The following MCFD2 variants were observed in gnomAD, a reference collection of about 807,000 sequenced individuals.
MCFD2 encodes the protein multiple coagulation factor deficiency 2, ER cargo receptor complex subunit.
A neutral mutation model predicts 12.8 loss-of-function variants in MCFD2; 11 were observed. That is an observed-to-expected ratio of 0.86 (90% confidence interval 0.54 to 1.42). The LOEUF is 1.42. Among genes scored for constraint, MCFD2 ranks in the 40% most tolerant of loss-of-function variants. The pLI is 0.00. For synonymous variants in MCFD2, 70 were observed against 68.1 expected, an observed-to-expected ratio of 1.03 and a Z score of -0.14; for missense variants, 191 against 178.6, an observed-to-expected ratio of 1.07 and a Z score of -0.40.
rs567959693 is a variant in MCFD2 at position 46,940,876 on chromosome 2, C to T, written c.-8+696G>A. Among the ~76,000 whole-genome samples the T allele has an allele frequency of 6.6e-6, 1 of 152,060 alleles. No individual in the cohort carries two copies. Among genetic ancestry groups the T allele is most frequent in the African/African-American group, 2.4e-5 (1 of 41,432 alleles). Reference sequence around the variant, plus strand: ...GGCCGGCCTCTCCCCATTTTTGTGACGTGTCAGGGGCAGCAGCGGTGACGG... The same window carrying T: ...GGCCGGCCTCTCCCCATTTTTGTGATGTGTCAGGGGCAGCAGCGGTGACGG... On this transcript the variant is annotated intron_variant, in intron 1 of 2. Transcript: ENST00000409147. This position sits in a 1 kb window ranked among gnomAD's most constrained non-coding sequence, Gnocchi z 4.7.
intron 3 of MCFD2, chr2:46,906,874 T>C (rs1284133924): frequency 6.6e-6 from 1 of 152,342 alleles, no homozygotes; most frequent in Non-Finnish European, 1.5e-5. Context: ...GATCTCGCTC[T>C]ATTGCCCAGG....
chr2:46,915,628 G>T, intron 1 of MCFD2, 95 bp downstream of exon 1: 1 of 351,502 alleles, frequency 2.8e-6, no homozygotes, highest in Non-Finnish European at 4.0e-6. Flanking sequence ...CGCGCCCCCA[G>T]ACTACTCCTG....
intron 1 of MCFD2, among the ~76,000 whole-genome samples, chr2:46,928,939 GA>G (rs1267862331): frequency 1.3e-5 from 2 of 152,092 alleles, no homozygotes; most frequent in African/African-American, 4.8e-5. Context: ...GAGGTGGGTG[GA>G]TTACTTGAGG....
At chr2:46,928,287 A>C (rs938954400) in intron 1 of MCFD2, among the ~76,000 whole-genome samples, 1 of 151,834 alleles carries the variant, frequency 6.6e-6, no homozygotes, top group Non-Finnish European at 1.5e-5. Context: ...TAGATCAGAA[A>C]TCTAGGCAGG....
In MCFD2 at chr2:46,908,128, A is replaced by G; in HGVS notation, c.150-159T>C. ...ACTCAAGGATTACACAGAGATAGAC[A>G]AGGCCTTGAGAGGAGCAGGAAAAGT... On this transcript the variant is annotated intron_variant, in intron 2 of 3. Transcript: ENST00000319466. This position sits in a 1 kb window ranked among gnomAD's most constrained non-coding sequence, Gnocchi z 4.5. The G allele has an allele frequency of 3.8e-6, 3 of 780,114 alleles. No individual in the cohort carries two copies. Among genetic ancestry groups the G allele is most frequent in the Non-Finnish European group, 4.3e-6 (2 of 461,038 alleles). 48.3% of individuals were successfully genotyped at this position (780,114 alleles called of 1,614,324 possible).
At chr2:46,932,957 A>G (rs1425665830) in intron 1 of MCFD2, among the ~76,000 whole-genome samples, 3 of 152,046 alleles carry the variant, frequency 2.0e-5, no homozygotes, top group African/African-American at 4.8e-5. Flanking sequence ...CAAAACTGCT[A>G]TAATCTCTGA....
At chr2:46,917,697 G>T (rs1418929839), upstream of MCFD2, among the ~76,000 whole-genome samples, 1 of 152,086 alleles carries the variant, frequency 6.6e-6, no homozygotes, top group African/African-American at 2.4e-5. Context: ...ATATAAACTT[G>T]CTGTATTTTC....
At chr2:46,916,455 G>A (rs1345418703), upstream of MCFD2, 1 of 152,334 alleles carries the variant, frequency 6.6e-6, no homozygotes, top group South Asian at 2.1e-4. Context: ...ATTCAAGAGA[G>A]GACAGATTAC....
chr2:46,916,068 G>T (rs1668770096), upstream of MCFD2: 3 of 985,488 alleles, frequency 3.0e-6, no homozygotes, highest in Non-Finnish European at 3.6e-6. Context: ...AACGCCGGAA[G>T]CCCTCAGGAA....
In MCFD2 at chr2:46,915,774, C is replaced by G. The variant is rs1668727205; in HGVS notation, c.-58G>C. Reference sequence around the variant, plus strand: ...AGCCCTCCAACGTGAGCCTCACCAGCCCCCGTCCCCAAAACGCTCTTCCTC... The same window carrying G: ...AGCCCTCCAACGTGAGCCTCACCAGGCCCCGTCCCCAAAACGCTCTTCCTC... On this transcript the variant is annotated 5_prime_UTR_variant, in exon 1 of 4. Transcript: ENST00000319466. 4 of 977,448 alleles carry G rather than the reference C, an allele frequency of 4.1e-6. No individual in the cohort carries two copies. The highest frequency in any genetic ancestry group is 4.9e-6 in the Non-Finnish European group (4 of 823,556). The allele number at this position is 977,448 out of a possible 1,614,324, so 60.5% of individuals were successfully genotyped here.
intron 1 of MCFD2, among the ~76,000 whole-genome samples, chr2:46,933,925 G>C (rs1028134674): frequency 4.6e-5 from 7 of 152,130 alleles, no homozygotes; most frequent in Non-Finnish European, 5.9e-5. Context: ...TGAAAGAAGA[G>C]GCCAGAGTGG....
chr2:46,928,332 C>T (rs992429255), intron 1 of MCFD2, among the ~76,000 whole-genome samples: 11 of 151,878 alleles, frequency 7.2e-5, no homozygotes, highest in Admixed American at 6.6e-4. Context: ...AGAAAAAGAA[C>T]TCCAGGCCAG....
rs1670210644 is a variant in MCFD2 at position 46,940,166 on chromosome 2, C to T, written c.-8+1406G>A. ...GCCTGGGTTCTGCTTGACATAAAAA[C>T]CTTCCCTCGGTTACAGTTGTCCAAA... On this transcript the variant is annotated intron_variant, in intron 1 of 2. Transcript: ENST00000409147. The surrounding 1 kb of genome is among the most constrained non-coding windows in gnomAD (Gnocchi z 4.7). 6.6e-6 allele frequency among the ~76,000 whole-genome samples: 1 copy of T among 152,058 alleles called. No homozygotes were observed. Among genetic ancestry groups the T allele is most frequent in the Non-Finnish European group, 1.5e-5 (1 of 68,018 alleles).
At chr2:46,909,575 G>A (rs1217613502) in intron 1 of MCFD2, among the ~76,000 whole-genome samples, 4 of 152,220 alleles carry the variant, frequency 2.6e-5, no homozygotes, top group African/African-American at 7.2e-5. Flanking sequence ...GAGTTCAGGG[G>A]AAGAAATCTC....
chr2:46,937,715 G>A lies in MCFD2; in HGVS notation c.-8+3857C>T, dbSNP rs755882677. Among the ~76,000 whole-genome samples the A allele has an allele frequency of 3.3e-5, 5 of 152,222 alleles. No homozygotes were observed. The highest frequency in any genetic ancestry group is 7.3e-5 in the Non-Finnish European group (5 of 68,052). On this transcript the variant is annotated intron_variant, in intron 1 of 2. Coordinates refer to the MCFD2 transcript ENST00000409147. This position sits in a 1 kb window ranked among gnomAD's most constrained non-coding sequence, Gnocchi z 4.0. Reference sequence around the variant, plus strand: ...CTTCTCCCAAAGTGTTAGGATTATAGGCACGAGCTGCCATGCCTGGCCCAA... The same window carrying A: ...CTTCTCCCAAAGTGTTAGGATTATAAGCACGAGCTGCCATGCCTGGCCCAA...
intron 1 of MCFD2, among the ~76,000 whole-genome samples, chr2:46,922,168 G>T (rs969920831): frequency 6.6e-6 from 1 of 152,184 alleles, no homozygotes; most frequent in Non-Finnish European, 1.5e-5. Context: ...GTTACTTATA[G>T]ATTCTGATGA....
chr2:46,925,934 G>A (rs1232707648), intron 1 of MCFD2, among the ~76,000 whole-genome samples: 1 of 152,198 alleles, frequency 6.6e-6, no homozygotes, highest in Non-Finnish European at 1.5e-5. Flanking sequence ...CCACCCAGGT[G>A]TCAGCTAAGA....
rs542477531 is a variant in MCFD2, at chr2:46,926,616, G to GC, written c.-8+14955dup. On this transcript the variant is annotated intron_variant, in intron 1 of 2. Coordinates refer to the MCFD2 transcript ENST00000409147. Reference sequence around the variant, plus strand: ...AATAAGGTGATTTCAGATTGGTAGAGCCCCCCCAGGTGCCTAGAAAAAGCA... The same window carrying GC: ...AATAAGGTGATTTCAGATTGGTAGAGCCCCCCCCAGGTGCCTAGAAAAAGCA... Among the ~76,000 whole-genome samples the GC allele has an allele frequency of 2.1e-4, 32 of 152,246 alleles. 1 individual carries two copies. Among genetic ancestry groups the GC allele is most frequent in the South Asian group, 1.5e-3 (7 of 4,816 alleles).
intron 1 of MCFD2, among the ~76,000 whole-genome samples, chr2:46,922,617 TC>T (rs1669163219): frequency 6.6e-6 from 1 of 152,140 alleles, no homozygotes; most frequent in Admixed American, 6.5e-5. Context: ...AAATTTTGTT[TC>T]TGGTTCATAT....
Sources: allele counts gnomAD v4.1 joint callset (sites outside exome capture counted in the v4.1 genomes callset), GRCh38; gene constraint gnomAD v4.1.1; non-coding constraint Gnocchi (gnomAD v3.1); transcripts MANE v1.5; gene names NCBI Gene and HGNC (gene_info 2026-07-23, HGNC 2026-07-21).